The following PDE10A variants were observed in gnomAD, a reference collection of about 807,000 sequenced individuals.
The protein encoded by PDE10A is cAMP and cAMP-inhibited cGMP 3',5'-cyclic phosphodiesterase 10A.
In PDE10A, 39 loss-of-function variants were observed where a neutral mutation model predicts 97.7. The observed-to-expected ratio is 0.40, with a 90% CI of 0.31 to 0.52. The LOEUF is 0.52. Ranked by LOEUF, PDE10A falls within the 20% of genes least tolerant of loss-of-function variation. The pLI, the probability that PDE10A is intolerant of heterozygous loss-of-function variation, is 0.56. For synonymous variants in PDE10A, 371 were observed against 376.8 expected (o/e 0.98, Z 0.18); for missense variants, 731 against 1,047.8 (o/e 0.70, Z 4.17).
intron 1 of PDE10A, among the ~76,000 whole-genome samples, chr6:165,892,022 G>T (rs983993537): frequency 6.6e-6 from 1 of 151,500 alleles, no homozygotes; most frequent in South Asian, 2.1e-4. Context: ...AGTAAAACTC[G>T]ATTCTCCCCC....
chr6:165,540,402 G>C (rs566570382), intron 2 of PDE10A, among the ~76,000 whole-genome samples: 9 of 152,004 alleles, frequency 5.9e-5, no homozygotes, highest in African/African-American at 2.2e-4. Context: ...TGTGTTACAC[G>C]GTTTTATTTC....
chr6:165,532,350 C>T (rs1782831446), intron 2 of PDE10A, among the ~76,000 whole-genome samples: 2 of 151,136 alleles, frequency 1.3e-5, no homozygotes, highest in Admixed American at 1.3e-4. Flanking sequence ...GTGCGTAACG[C>T]TTGCTAAGCA....
At chr6:165,842,510 A>G (rs901482540) in intron 1 of PDE10A, among the ~76,000 whole-genome samples, 6 of 152,252 alleles carry the variant, frequency 3.9e-5, no homozygotes, top group African/African-American at 1.4e-4. Context: ...TAACTTTTCA[A>G]GTGAGTTAAA....
intron 18 of PDE10A, among the ~76,000 whole-genome samples, chr6:165,372,666 T>C (rs1400949340): frequency 1.3e-5 from 2 of 149,442 alleles, no homozygotes; most frequent in African/African-American, 2.5e-5. Context: ...AGGTAATTTA[T>C]AGATTCAATG....
chr6:165,624,997 A>C (rs967351095), intron 1 of PDE10A, among the ~76,000 whole-genome samples: 2 of 152,200 alleles, frequency 1.3e-5, no homozygotes, highest in Non-Finnish European at 2.9e-5. Context: ...CAGTGTGTTC[A>C]GTTAGTACAA....
At chr6:165,365,065 A>G (rs1783681749) in intron 18 of PDE10A, among the ~76,000 whole-genome samples, 2 of 152,088 alleles carry the variant, frequency 1.3e-5, no homozygotes, top group South Asian at 2.1e-4. Flanking sequence ...GTTAAAATTA[A>G]TGAAAGAACA....
intron 3 of PDE10A, 136 bp downstream of exon 3, chr6:165,482,179 G>T: frequency 1.4e-6 from 1 of 720,936 alleles, no homozygotes. Flanking sequence ...CCATATTAAT[G>T]AGTGATACTT....
intron 1 of PDE10A, among the ~76,000 whole-genome samples, chr6:165,650,743 G>A (rs1308305892): frequency 6.8e-6 from 1 of 147,702 alleles, no homozygotes; most frequent in African/African-American, 2.5e-5. Context: ...CAGAATTACT[G>A]ACTCAATGGT....
chr6:165,442,221 C>T (rs1790521222), intron 5 of PDE10A, among the ~76,000 whole-genome samples: 1 of 152,030 alleles, frequency 6.6e-6, no homozygotes, highest in Non-Finnish European at 1.5e-5. Context: ...TATACATGTG[C>T]CATGTTGGTG....
chr6:165,526,235 T>C (rs536296601), intron 2 of PDE10A, among the ~76,000 whole-genome samples: 68 of 152,194 alleles, frequency 4.5e-4, no homozygotes, highest in South Asian at 3.7e-3. Context: ...TCAAACATCA[T>C]TGTGGTTCTC....
At chr6:165,716,784 C>T (rs537898599) in intron 1 of PDE10A, among the ~76,000 whole-genome samples, 1 of 152,210 alleles carries the variant, frequency 6.6e-6, no homozygotes, top group Non-Finnish European at 1.5e-5. Context: ...GTCTAAGAAC[C>T]AAAATCTTTT....
chr6:165,417,845 G>A lies in PDE10A; in HGVS notation c.1796+790C>T, dbSNP rs1429776015. Among the ~76,000 whole-genome samples the A allele has an allele frequency of 2.6e-5, 4 of 152,190 alleles. No individual in the cohort carries two copies. In the East Asian group the frequency reaches 7.7e-4, roughly 29 times the overall value. On this transcript the variant is annotated intron_variant, in intron 11 of 21. Coordinates refer to ENST00000539869, the MANE Select transcript of PDE10A (RefSeq NM_001385079.1). ...CAAATAAACAGCAATCCTTAATTAA[G>A]AAGACACAGTGTTTTGCCAGAATGG...
chr6:165,627,834 T>C (rs1788456034), intron 1 of PDE10A, among the ~76,000 whole-genome samples: 1 of 152,224 alleles, frequency 6.6e-6, no homozygotes, highest in Non-Finnish European at 1.5e-5. Context: ...AGAGCAAGAC[T>C]CTGAACCTAG....
At chr6:165,674,900 C>T (rs1295892093) in intron 1 of PDE10A, among the ~76,000 whole-genome samples, 1 of 152,144 alleles carries the variant, frequency 6.6e-6, no homozygotes, top group East Asian at 1.9e-4. Context: ...TTTCTGAGTG[C>T]CTCTTTCTCG....
intron 1 of PDE10A, among the ~76,000 whole-genome samples, chr6:165,547,508 C>T (rs1034936250): frequency 1.4e-5 from 2 of 147,386 alleles, no homozygotes; most frequent in African/African-American, 5.1e-5. Flanking sequence ...AGATTTAACA[C>T]TGGTACCTGA....
At chr6:165,410,273 T>A (rs1454709860) in intron 13 of PDE10A, among the ~76,000 whole-genome samples, 1 of 152,192 alleles carries the variant, frequency 6.6e-6, no homozygotes, top group Admixed American at 6.5e-5. Flanking sequence ...TGATAGCTCA[T>A]TAAAATAATT....
rs1473162407 is a variant in PDE10A, at chr6:165,388,771, A to T, written c.2455-318T>A. On this transcript the variant is annotated intron_variant, in intron 16 of 21. Coordinates refer to ENST00000539869, the MANE Select transcript of PDE10A (RefSeq NM_001385079.1). The surrounding 1 kb of genome is among the most constrained non-coding windows in gnomAD (Gnocchi z 4.0). ...AAGGTATAAAGCAAATGTTCCAAAA[A>T]AGTACAGATAAAGCAAATCTGCACA... Among the ~76,000 whole-genome samples the T allele has an allele frequency of 6.6e-6, 1 of 152,230 alleles. No homozygotes were observed. The highest frequency in any genetic ancestry group is 1.9e-4 in the East Asian group (1 of 5,200).
intron 1 of PDE10A, among the ~76,000 whole-genome samples, chr6:165,812,323 G>A (rs948663690): frequency 2.0e-5 from 3 of 152,144 alleles, no homozygotes; most frequent in East Asian, 1.9e-4. Context: ...GTCCAGACAA[G>A]AATGTTATTT....
chr6:165,584,735 G>A (rs914292522), intron 1 of PDE10A, among the ~76,000 whole-genome samples: 5 of 152,170 alleles, frequency 3.3e-5, no homozygotes, highest in Admixed American at 6.5e-5. Context: ...CTGCCACCAT[G>A]CCCTGTGACT....
Sources: gnomAD v4.1 joint callset for allele counts (sites outside exome capture counted in the v4.1 genomes callset) on GRCh38, gnomAD v4.1.1 for gene constraint, Gnocchi (gnomAD v3.1) non-coding constraint, MANE v1.5 for transcripts, NCBI Gene and HGNC (gene_info 2026-07-23, HGNC 2026-07-21) for gene names.